Variants in QRSL1 observed in about 807,000 individuals in gnomAD.
The protein encoded by QRSL1 is glutaminyl-tRNA amidotransferase subunit QRSL1, also known as glutamyl-tRNA(Gln) amidotransferase subunit A, mitochondrial.
QRSL1 carries 54 observed loss-of-function variants against 61.6 expected under a neutral mutation model. The observed-to-expected ratio is 0.88, with a 90% CI of 0.70 to 1.10. The LOEUF (loss-of-function observed/expected upper bound fraction) is 1.10. Among genes scored for constraint, QRSL1 ranks in the 50% least tolerant of loss-of-function variants. The probability of loss-of-function intolerance (pLI) is 0.00; values close to 1 mark genes in which losing one functional copy is unlikely to be tolerated. For synonymous variants in QRSL1, 228 were observed against 225.7 expected (o/e 1.01, Z -0.09); for missense variants, 505 against 622.6 (o/e 0.81, Z 2.01).
intron 3 of QRSL1, among the ~76,000 whole-genome samples, chr6:106,641,481 A>G (rs1777018992): frequency 6.6e-6 from 1 of 152,232 alleles, no homozygotes; most frequent in African/African-American, 2.4e-5. Flanking sequence ...CTTGTAGCAC[A>G]GTATGGCAAT....
Position 106,659,333 on chromosome 6 carries a change from C to T in QRSL1, c.1160+3601C>T, listed in dbSNP as rs148568861. ...TACAAAAATTAGCTGGGTGGGAAGG[C>T]GTATGCCTGTAATTCCAGCTACTCG... On this transcript the variant is annotated intron_variant, in intron 9 of 10. Coordinates refer to ENST00000369046, the MANE Select transcript of QRSL1 (RefSeq NM_018292.5). Among the ~76,000 whole-genome samples the T allele has an allele frequency of 3.9e-3, 589 of 152,136 alleles. 1 individual carries two copies. Among genetic ancestry groups the T allele is most frequent in the Middle Eastern group, 0.02 (6 of 294 alleles).
chr6:106,668,275 G>A lies in QRSL1; in HGVS notation c.*2273G>A, dbSNP rs1777472541. On this transcript the variant is annotated 3_prime_UTR_variant, in exon 11 of 11. Transcript: ENST00000369046. ...TACTGATACCCAACTACCATGAAAT[G>A]ATACCTAATTTGTTTTTCTTTTCTC... The A allele has an allele frequency of 6.6e-6, 1 of 151,852 alleles. No homozygotes were observed. Among genetic ancestry groups the A allele is most frequent in the Non-Finnish European group, 1.5e-5 (1 of 68,010 alleles). The allele number at this position is 151,852 out of a possible 1,614,324, so 9.4% of individuals were successfully genotyped here.
At position 106,629,674 on chromosome 6, in the gene QRSL1, C is replaced by G; in HGVS notation, c.-8C>G. The G allele has an allele frequency of 6.2e-7, 1 of 1,604,932 alleles. No individual in the cohort carries two copies. Among genetic ancestry groups the G allele is most frequent in the Non-Finnish European group, 8.5e-7 (1 of 1,176,392 alleles). ...GGCTCCTGTGGTGGCAGGCTGGGCACGAGGACCATGCTGGGCCGGAGCCTC... is the reference window on the plus strand; with the variant it reads ...GGCTCCTGTGGTGGCAGGCTGGGCAGGAGGACCATGCTGGGCCGGAGCCTC... On this transcript the variant is annotated 5_prime_UTR_variant, in exon 1 of 11. Transcript: ENST00000369046.
intron 1 of QRSL1, chr6:106,640,081 TA>T (rs1184121437): frequency 3.3e-6 from 1 of 303,214 alleles, no homozygotes; most frequent in African/African-American, 2.2e-5. Flanking sequence ...TTACCTAACT[TA>T]CTGCCGTTGT....
intron 9 of QRSL1, among the ~76,000 whole-genome samples, chr6:106,661,635 T>C (rs1396954591): frequency 6.6e-6 from 1 of 150,382 alleles, no homozygotes; most frequent in East Asian, 2.0e-4. Context: ...CTGGAGCAGG[T>C]ATATCCATTT....
intron 10 of QRSL1, among the ~76,000 whole-genome samples, chr6:106,664,127 G>A (rs867915334): frequency 6.6e-6 from 1 of 151,932 alleles, no homozygotes; most frequent in South Asian, 2.1e-4. Context: ...TTTAAATATG[G>A]TTTATATTCA....
intron 9 of QRSL1, among the ~76,000 whole-genome samples, chr6:106,657,242 C>G (rs1777284775): frequency 6.6e-6 from 1 of 151,100 alleles, no homozygotes. Flanking sequence ...GCACTCTAGC[C>G]TGGGCAACAG....
chr6:106,661,525 T>A (rs3101496), intron 9 of QRSL1, among the ~76,000 whole-genome samples: 51,275 of 151,896 alleles, frequency 0.34, 9,274 homozygotes, highest in Non-Finnish European at 0.41. Context: ...GTAGACCTGG[T>A]GGTCAAATAA....
At chr6:106,651,837 G>A (rs910270679) in intron 5 of QRSL1, among the ~76,000 whole-genome samples, 1 of 151,862 alleles carries the variant, frequency 6.6e-6, no homozygotes, top group African/African-American at 2.4e-5. Context: ...TAAAATACCA[G>A]GAATCACGAA....
rs1777431526 is a variant in QRSL1 at position 106,666,188 on chromosome 6, T to C, written c.*186T>C. On this transcript the variant is annotated 3_prime_UTR_variant, in exon 11 of 11. Coordinates refer to ENST00000369046, the MANE Select transcript of QRSL1 (RefSeq NM_018292.5). ...TTAGCCAGGCTTAGTGGCGGGCATC[T>C]GTAGTCCCAGCTACTCAGGAGGCTG... 3.5e-6 allele frequency: 2 copies of C among 565,142 alleles called. No homozygotes were observed. Among genetic ancestry groups the C allele is most frequent in the African/African-American group, 3.8e-5 (2 of 52,884 alleles). The allele number at this position is 565,142 out of a possible 1,614,324, so 35.0% of individuals were successfully genotyped here.
chr6:106,664,954 C>A (rs1777409090), intron 10 of QRSL1, among the ~76,000 whole-genome samples: 1 of 152,130 alleles, frequency 6.6e-6, no homozygotes, highest in South Asian at 2.1e-4. Context: ...TCTGGCTTTA[C>A]TAAATCTGTC....
intron 5 of QRSL1, 116 bp from the exon 6 acceptor site, chr6:106,652,093 T>C: frequency 9.7e-7 from 1 of 1,028,208 alleles, no homozygotes; most frequent in Non-Finnish European, 1.4e-6. Context: ...TGAACATGTG[T>C]TACTTTTGTG....
At chr6:106,650,089 G>A (rs1582414961) in intron 5 of QRSL1, among the ~76,000 whole-genome samples, 1 of 151,866 alleles carries the variant, frequency 6.6e-6, no homozygotes, top group Non-Finnish European at 1.5e-5. Flanking sequence ...TTTTATCTCT[G>A]TGAAATTTTA....
chr6:106,655,958 GT>G (rs1777263936), intron 9 of QRSL1, among the ~76,000 whole-genome samples: 1 of 152,178 alleles, frequency 6.6e-6, no homozygotes. Context: ...CTCCATATCT[GT>G]GGGTTTTGCA....
intron 4 of QRSL1, among the ~76,000 whole-genome samples, chr6:106,645,808 A>T (rs1424116262): frequency 1.3e-5 from 2 of 152,214 alleles, no homozygotes; most frequent in Non-Finnish European, 2.9e-5. Context: ...ATTTTTCTAT[A>T]TTGACCTTTT....
At chr6:106,639,770 AC>A (rs1190628275) in intron 1 of QRSL1, among the ~76,000 whole-genome samples, 3 of 151,888 alleles carry the variant, frequency 2.0e-5, no homozygotes, top group Non-Finnish European at 2.9e-5. Context: ...CTCCTTCTTT[AC>A]CAGCCTTCCC....
At position 106,660,542 on chromosome 6, in the gene QRSL1, A is replaced by T. The variant is rs537993872; in HGVS notation, c.1161-2438A>T. 1.9e-3 allele frequency among the ~76,000 whole-genome samples: 284 copies of T among 151,702 alleles called. 2 individuals carry two copies. Among genetic ancestry groups the T allele is most frequent in the Non-Finnish European group, 3.7e-3 (249 of 67,958 alleles). ...AATGTCTGTTGCCTAATGCCTGAAA[A>T]TGGTCATTTCATATATTTTGTCCAG... On this transcript the variant is annotated intron_variant, in intron 9 of 10. Transcript: ENST00000369046.
At chr6:106,642,247 T>C (rs9400035) in intron 3 of QRSL1, among the ~76,000 whole-genome samples, 80,075 of 151,988 alleles carry the variant, frequency 0.53, 21,567 homozygotes, top group Non-Finnish European at 0.57. Flanking sequence ...GTAGAGACAG[T>C]GTTTCTCCAC....
chr6:106,637,483 G>T (rs972183009), intron 1 of QRSL1, among the ~76,000 whole-genome samples: 1 of 149,320 alleles, frequency 6.7e-6, no homozygotes. Context: ...TACCAGGAAG[G>T]CTATAGGTCA....
Sources: allele counts gnomAD v4.1 joint callset (sites outside exome capture counted in the v4.1 genomes callset), GRCh38; gene constraint gnomAD v4.1.1; transcripts MANE v1.5; gene names NCBI Gene and HGNC (gene_info 2026-07-23, HGNC 2026-07-21).